The following U2AF2 variants were observed in gnomAD, a reference collection of about 807,000 sequenced individuals.
U2AF2 encodes the protein U2 small nuclear RNA auxiliary factor 2.
In U2AF2, 6 loss-of-function variants were observed where a neutral mutation model predicts 52.6. That is an observed-to-expected ratio of 0.11 (90% CI 0.06 to 0.23). The LOEUF is 0.23. U2AF2 is among the 10% of genes least tolerant of loss of function. The probability of loss-of-function intolerance (pLI) is 1.00; values close to 1 mark genes in which losing one functional copy is unlikely to be tolerated. For missense variants in U2AF2, 222 were observed against 677.1 expected (o/e 0.33, Z 7.46); for synonymous variants, 284 against 258.2 (o/e 1.10, Z -0.96).
intron 1 of U2AF2, among the ~76,000 whole-genome samples, chr19:55,657,646 G>C (rs1287385335): frequency 2.0e-5 from 3 of 151,920 alleles, no homozygotes; most frequent in Admixed American, 2.0e-4. Context: ...CTGTCCTGCC[G>C]ATTGTTCCTC....
intron 7 of U2AF2, 61 bp downstream of exon 7, chr19:55,663,805 A>T (rs759321812): frequency 1.9e-6 from 3 of 1,601,388 alleles, no homozygotes; most frequent in Non-Finnish European, 2.6e-6. Flanking sequence ...TGGCCTGTCC[A>T]TCCCTTCAGC....
At chr19:55,660,058 C>T in intron 2 of U2AF2, 119 bp from the exon 3 acceptor site, 1 of 839,820 alleles carries the variant, frequency 1.2e-6, no homozygotes. Context: ...CTGCTTGCTG[C>T]TTGTTGACCT....
chr19:55,655,510 T>C (rs1279419280), intron 1 of U2AF2, among the ~76,000 whole-genome samples: 1 of 152,276 alleles, frequency 6.6e-6, no homozygotes, highest in Admixed American at 6.5e-5. Context: ...GAGATTATGT[T>C]AGTCCCCGTA....
chr19:55,658,438 G>T (rs2123672072), intron 1 of U2AF2, among the ~76,000 whole-genome samples: 1 of 152,218 alleles, frequency 6.6e-6, no homozygotes, highest in African/African-American at 2.4e-5. Flanking sequence ...GCAAATAGAG[G>T]GTTGAGGGAG....
chr19:55,658,004 G>T (rs1245113813), intron 1 of U2AF2, among the ~76,000 whole-genome samples: 1 of 152,110 alleles, frequency 6.6e-6, no homozygotes, highest in East Asian at 1.9e-4. Context: ...TTCCCTGCTG[G>T]GTGCATATTT....
At chr19:55,671,122 T>G (rs1261866176) in intron 11 of U2AF2, among the ~76,000 whole-genome samples, 1 of 151,994 alleles carries the variant, frequency 6.6e-6, no homozygotes, top group Non-Finnish European at 1.5e-5. Flanking sequence ...GTGGTGGCAT[T>G]TTTGAGGTGA....
intron 11 of U2AF2, among the ~76,000 whole-genome samples, chr19:55,672,886 G>A (rs1009146856): frequency 6.6e-6 from 1 of 151,710 alleles, no homozygotes; most frequent in Non-Finnish European, 1.5e-5. Context: ...TTTGTGAGCC[G>A]CCCGTCTTGG....
chr19:55,664,085 C>T, intron 7 of U2AF2: 1 of 252,056 alleles, frequency 4.0e-6, no homozygotes, highest in Non-Finnish European at 7.7e-6. Flanking sequence ...CAGTCTGTGC[C>T]CGTCGGGGCT....
chr19:55,664,327 G>A (rs1984406624), intron 7 of U2AF2, among the ~76,000 whole-genome samples: 1 of 152,234 alleles, frequency 6.6e-6, no homozygotes, highest in African/African-American at 2.4e-5. Flanking sequence ...GCCTGGCTGT[G>A]TGCCGGCACA....
At chr19:55,670,375 C>T (rs558796902) in intron 11 of U2AF2, among the ~76,000 whole-genome samples, 8 of 150,038 alleles carry the variant, frequency 5.3e-5, no homozygotes, top group South Asian at 2.1e-4. Context: ...GAATTCCCAT[C>T]GTACCAGGCT....
At chr19:55,663,934 C>T (rs1984379738) in intron 7 of U2AF2, 190 bp downstream of exon 7, 2 of 781,186 alleles carry the variant, frequency 2.6e-6, no homozygotes, top group Non-Finnish European at 3.9e-6. Flanking sequence ...GTGCCTAGGG[C>T]CGGGAGAATG....
At chr19:55,664,042 G>A in intron 7 of U2AF2, 1 of 343,958 alleles carries the variant, frequency 2.9e-6, no homozygotes, top group Non-Finnish European at 5.3e-6. Flanking sequence ...TGGACCTCGT[G>A]CCTGCGTTGC....
intron 3 of U2AF2, 34 bp downstream of exon 3, chr19:55,660,255 G>A (rs775305777): frequency 1.2e-6 from 2 of 1,605,902 alleles, no homozygotes; most frequent in Admixed American, 1.7e-5. Context: ...CCTCCCTGAT[G>A]TCCACTCCCT....
intron 1 of U2AF2, among the ~76,000 whole-genome samples, chr19:55,656,893 C>T (rs1983829946): frequency 1.3e-5 from 2 of 152,186 alleles, no homozygotes; most frequent in Non-Finnish European, 2.9e-5. Flanking sequence ...GAGATTGTGT[C>T]AGAGTTGGGA....
In U2AF2 at chr19:55,660,496, T is replaced by TCCCCCCCC; in HGVS notation, c.231-16_231-15insCCCCCCCC. On this transcript the variant is annotated intron_variant, in intron 3 of 11. Coordinates refer to ENST00000308924, the MANE Select transcript of U2AF2 (RefSeq NM_007279.3). ...AGACTGAGGTTGCCCTGCCCCGCTC[T>TCCCCCCCC]CCCCTCCCACCTCCCCCAGTCGTTC... 1 of 894,568 alleles carries TCCCCCCCC rather than the reference T, an allele frequency of 1.1e-6. No individual in the cohort carries two copies. The highest frequency in any genetic ancestry group is 1.8e-6 in the Non-Finnish European group (1 of 553,298). The allele number at this position is 894,568 out of a possible 1,614,324, so 55.4% of individuals were successfully genotyped here. A position where few individuals can be genotyped will look rare whatever the true frequency, so the allele number is the denominator to read the frequency against.
chr19:55,657,913 G>A (rs1005991490), intron 1 of U2AF2, among the ~76,000 whole-genome samples: 1 of 152,198 alleles, frequency 6.6e-6, no homozygotes, highest in African/African-American at 2.4e-5. Flanking sequence ...TTCCGAAGCA[G>A]TAGTGAGGAT....
Position 55,668,487 on chromosome 19 carries a change from C to T in U2AF2, c.743-20C>T, listed in dbSNP as rs200272226. 3 of 1,559,972 alleles carry T rather than the reference C, an allele frequency of 1.9e-6. No homozygotes were observed. The highest frequency in any genetic ancestry group is 2.3e-5 in the East Asian group (1 of 44,236). ...ATAACCTGGTACTGGAATTGAAGTCCTCCTCTTCTCTACCCATAGGGGTTG... is the reference window on the plus strand; with the variant it reads ...ATAACCTGGTACTGGAATTGAAGTCTTCCTCTTCTCTACCCATAGGGGTTG... On this transcript the variant is annotated intron_variant, in intron 7 of 11. Transcript: ENST00000308924. This position sits in a 1 kb window ranked among gnomAD's most constrained non-coding sequence, Gnocchi z 5.5.
In U2AF2 at chr19:55,668,285, G is replaced by A. The variant is rs1176768985; in HGVS notation, c.743-222G>A. On this transcript the variant is annotated intron_variant, in intron 7 of 11. Coordinates refer to ENST00000308924, the MANE Select transcript of U2AF2 (RefSeq NM_007279.3). The surrounding 1 kb of genome is among the most constrained non-coding windows in gnomAD (Gnocchi z 5.5). ...GGTTCCCCTGAGGCTGGGCAGATTT[G>A]GGAGACATGGTGCGTTCTCCCCGAG... Among the ~76,000 whole-genome samples the A allele has an allele frequency of 6.6e-6, 1 of 152,104 alleles. No individual in the cohort carries two copies. The highest frequency in any genetic ancestry group is 2.4e-5 in the African/African-American group (1 of 41,402).
chr19:55,658,684 A>T (rs1983956584), intron 1 of U2AF2, among the ~76,000 whole-genome samples: 1 of 151,948 alleles, frequency 6.6e-6, no homozygotes, highest in African/African-American at 2.4e-5. Flanking sequence ...TGCATTATTC[A>T]CCGGCTTGGG....
Sources: gnomAD v4.1 joint callset for allele counts (sites outside exome capture counted in the v4.1 genomes callset) on GRCh38, gnomAD v4.1.1 for gene constraint, Gnocchi (gnomAD v3.1) non-coding constraint, MANE v1.5 for transcripts, NCBI Gene and HGNC (gene_info 2026-07-23, HGNC 2026-07-21) for gene names.